PTPRD: variants seen among roughly 807,000 people sequenced by gnomAD.
PTPRD encodes the protein protein tyrosine phosphatase receptor type D.
A neutral mutation model predicts 214.5 loss-of-function variants in PTPRD; 34 were observed. The observed-to-expected ratio is 0.16, with a 90% confidence interval of 0.12 to 0.21. The LOEUF (loss-of-function observed/expected upper bound fraction) is 0.21, where lower values mean the gene tolerates loss of function less well. PTPRD is among the 10% of genes least tolerant of loss of function. The pLI, the probability that PTPRD is intolerant of heterozygous loss-of-function variation, is 1.00. For missense variants in PTPRD, 2,545 were observed against 2,398.7 expected, an observed-to-expected ratio of 1.06 and a Z score of -1.27; for synonymous variants, 1,128 against 845.7, an observed-to-expected ratio of 1.33 and a Z score of -5.79.
chr9:10,245,370 T>C (rs1168892269), intron 3 of PTPRD, among the ~76,000 whole-genome samples: 1 of 152,060 alleles, frequency 6.6e-6, no homozygotes, highest in Non-Finnish European at 1.5e-5. Context: ...TAATTAAGAG[T>C]ATTTAATCAC....
At chr9:10,045,738 A>T (rs176709) in intron 3 of PTPRD, among the ~76,000 whole-genome samples, 59,057 of 151,456 alleles carry the variant, frequency 0.39, 11,970 homozygotes, top group African/African-American at 0.51. Flanking sequence ...AAAGATGACT[A>T]CCTCAGATAA....
At chr9:8,568,359 T>C (rs561713794) in intron 14 of PTPRD, among the ~76,000 whole-genome samples, 1 of 152,216 alleles carries the variant, frequency 6.6e-6, no homozygotes, top group South Asian at 2.1e-4. Context: ...TTCAAGGCAA[T>C]GTGACAGCAA....
chr9:9,317,553 G>A (rs1399626031), intron 9 of PTPRD, among the ~76,000 whole-genome samples: 10 of 151,812 alleles, frequency 6.6e-5, no homozygotes, highest in African/African-American at 9.7e-5. Context: ...TTGCTATTGC[G>A]TCTATGGCCT....
At chr9:8,542,865 G>A (rs2078842628) in intron 14 of PTPRD, among the ~76,000 whole-genome samples, 1 of 152,188 alleles carries the variant, frequency 6.6e-6, no homozygotes, top group Admixed American at 6.5e-5. Flanking sequence ...TCTAGAATGG[G>A]TTGTAAATAC....
chr9:10,401,039 T>C (rs999451159), intron 2 of PTPRD, among the ~76,000 whole-genome samples: 1 of 151,690 alleles, frequency 6.6e-6, no homozygotes, highest in Non-Finnish European at 1.5e-5. Flanking sequence ...CCTGTTCTCA[T>C]AGGCCTAGAT....
intron 2 of PTPRD, among the ~76,000 whole-genome samples, chr9:10,352,809 C>G (rs573253424): frequency 1.3e-5 from 2 of 152,036 alleles, no homozygotes; most frequent in South Asian, 4.1e-4. Context: ...GCAAAATAGG[C>G]TAAAATCTTT....
At chr9:9,240,185 T>C (rs1330646336) in intron 9 of PTPRD, among the ~76,000 whole-genome samples, 1 of 151,982 alleles carries the variant, frequency 6.6e-6, no homozygotes, top group Non-Finnish European at 1.5e-5. Flanking sequence ...TTAAAAATAG[T>C]TTCAAAAATA....
At chr9:9,325,504 G>A (rs993092826) in intron 9 of PTPRD, among the ~76,000 whole-genome samples, 3 of 152,044 alleles carry the variant, frequency 2.0e-5, no homozygotes, top group African/African-American at 2.4e-5. Context: ...GTCTGTTGTT[G>A]GTGTATAGGA....
rs538697148 is a variant in PTPRD, at chr9:9,909,702, A to C, written c.-368+28805T>G. ...TTATAGTGCATTTATATTTCAATGAACTAATTAAGAAATTGACTAAGTTGA... is the reference window on the plus strand; with the variant it reads ...TTATAGTGCATTTATATTTCAATGACCTAATTAAGAAATTGACTAAGTTGA... On this transcript the variant is annotated intron_variant, in intron 5 of 45. Transcript: ENST00000381196. Among the ~76,000 whole-genome samples the C allele has an allele frequency of 2.6e-5, 4 of 151,960 alleles. No homozygotes were observed. The South Asian group carries it at 8.3e-4, about 32-fold the overall frequency.
chr9:9,982,537 C>T (rs2095579927), intron 4 of PTPRD, among the ~76,000 whole-genome samples: 1 of 150,458 alleles, frequency 6.6e-6, no homozygotes, highest in African/African-American at 2.4e-5. Flanking sequence ...AATTGCAATT[C>T]TCTTATTTAT....
chr9:10,094,102 T>A (rs2098459806), intron 3 of PTPRD, among the ~76,000 whole-genome samples: 1 of 145,600 alleles, frequency 6.9e-6, no homozygotes, highest in African/African-American at 2.6e-5. Context: ...ACGTTAAAAA[T>A]AAAATAAAAT....
intron 14 of PTPRD, among the ~76,000 whole-genome samples, chr9:8,613,180 G>A (rs916731097): frequency 2.6e-5 from 4 of 152,114 alleles, no homozygotes; most frequent in African/African-American, 9.7e-5. Context: ...TTCAAAGAAT[G>A]TTACTTTTGA....
chr9:10,502,314 A>G (rs2044039085), intron 2 of PTPRD, among the ~76,000 whole-genome samples: 1 of 151,950 alleles, frequency 6.6e-6, no homozygotes, highest in African/African-American at 2.4e-5. Context: ...AAGGAGAAAG[A>G]ACATATAAAA....
rs144771306 is a variant in PTPRD at position 8,626,389 on chromosome 9, G to C, written c.352+6928C>G. Among the ~76,000 whole-genome samples the C allele has an allele frequency of 5.5e-4, 83 of 151,658 alleles. 1 individual carries two copies. Among genetic ancestry groups the C allele is most frequent in the African/African-American group, 2.2e-4 (9 of 41,340 alleles). On this transcript the variant is annotated intron_variant, in intron 14 of 45. Coordinates refer to ENST00000381196, the MANE Select transcript of PTPRD (RefSeq NM_002839.4). ...TTTATCTCCTTAGCCAATGAGTCAC[G>C]TCCCAACCTCATTTTCTTTTACTAC...
intron 7 of PTPRD, among the ~76,000 whole-genome samples, chr9:9,730,222 G>A (rs1305388384): frequency 6.6e-6 from 1 of 152,060 alleles, no homozygotes; most frequent in East Asian, 1.9e-4. Context: ...GATATTGTAT[G>A]ACTAATGCTA....
intron 7 of PTPRD, among the ~76,000 whole-genome samples, chr9:9,716,389 A>T (rs1450546034): frequency 6.6e-6 from 1 of 151,818 alleles, no homozygotes; most frequent in Non-Finnish European, 1.5e-5. Flanking sequence ...TGGCTGGGTC[A>T]AATGGTATTT....
intron 12 of PTPRD, among the ~76,000 whole-genome samples, chr9:8,727,208 C>T (rs1002709364): frequency 6.6e-6 from 1 of 152,134 alleles, no homozygotes; most frequent in Non-Finnish European, 1.5e-5. Context: ...ACAGGTCACA[C>T]TTTGGAATTG....
At chr9:9,187,322 G>T (rs907260308) in intron 9 of PTPRD, among the ~76,000 whole-genome samples, 2 of 151,930 alleles carry the variant, frequency 1.3e-5, no homozygotes, top group African/African-American at 4.8e-5. Context: ...CTTCTCATTA[G>T]TCATTGTACT....
At chr9:8,432,403 AG>A (rs2095114664) in intron 35 of PTPRD, among the ~76,000 whole-genome samples, 1 of 152,226 alleles carries the variant, frequency 6.6e-6, no homozygotes. Context: ...AGTGTCTCAT[AG>A]GATCTAATAA....
Sources: gnomAD v4.1 joint callset for allele counts (sites outside exome capture counted in the v4.1 genomes callset) on GRCh38, gnomAD v4.1.1 for gene constraint, MANE v1.5 for transcripts, NCBI Gene and HGNC (gene_info 2026-07-23, HGNC 2026-07-21) for gene names.